LCN9: variants seen among roughly 807,000 people sequenced by gnomAD.
The protein encoded by LCN9 is lipocalin 9, also known as epididymal-specific lipocalin-9.
In LCN9, 22 loss-of-function variants were observed where a neutral mutation model predicts 18.5. That is an observed-to-expected ratio of 1.19 (90% confidence interval 0.85 to 1.70). The LOEUF is 1.70. LCN9 is among the 40% of genes most tolerant of loss of function. LCN9 has a pLI of 0.00. For synonymous variants in LCN9, 89 were observed against 83.0 expected (o/e 1.07, Z -0.39); for missense variants, 202 against 201.3 (o/e 1.00, Z -0.02).
At chr9:135,666,219 T>C in exon 6 of LCN9, 1 of 1,448,878 alleles carries the variant, frequency 6.9e-7, no homozygotes, top group Non-Finnish European at 9.3e-7. Context: ...GCCCGAGGTC[T>C]GAAACCCGAG....
rs1834188921 is a variant in LCN9 at position 135,664,797 on chromosome 9, T to C, written c.307+2T>C. On this transcript the variant is annotated splice_donor_variant, in intron 3 of 5. Coordinates refer to ENST00000619315, the Ensembl canonical transcript of LCN9. LOFTEE classifies it high-confidence loss of function. The surrounding 1 kb of genome is among the most constrained non-coding windows in gnomAD (Gnocchi z 4.5). ...AGAATGGGGAATACTCCATCAACTGTAAGTGGAAGCCAGGCTCCTCCTGGT... is the reference window on the plus strand; with the variant it reads ...AGAATGGGGAATACTCCATCAACTGCAAGTGGAAGCCAGGCTCCTCCTGGT... The C allele has an allele frequency of 6.3e-7, 1 of 1,579,884 alleles. No homozygotes were observed. The highest frequency in any genetic ancestry group is 1.8e-5 in the Admixed American group (1 of 54,560).
chr9:135,665,745 C>A lies in LCN9; in HGVS notation c.*2C>A. The A allele has an allele frequency of 6.2e-7, 1 of 1,613,402 alleles. No individual in the cohort carries two copies. The highest frequency in any genetic ancestry group is 8.5e-7 in the Non-Finnish European group (1 of 1,179,656). On this transcript the variant is annotated 3_prime_UTR_variant, in exon 5 of 6. Transcript: ENST00000619315. The surrounding 1 kb of genome is among the most constrained non-coding windows in gnomAD (Gnocchi z 5.9). ...GCTCACAAAATATCATCGACTTGAC[C>A]AACAAAGGTCAGCCCCACTGCTCCC...
intron 1 of LCN9, among the ~76,000 whole-genome samples, chr9:135,663,904 ATCTGGGGACAT>A (rs1834166615): frequency 1.2e-5 from 1 of 80,194 alleles, no homozygotes; most frequent in East Asian, 4.2e-4. Context: ...CAAAGGGGGG[ATCTGGGGACAT>A]AGGGGAGACC....
chr9:135,664,176 G>GTA lies in LCN9; in HGVS notation c.113_114dup (p.Ser39IlefsTer10), dbSNP rs1408091703. 1 of 1,613,600 alleles carries GTA rather than the reference G, an allele frequency of 6.2e-7. No homozygotes were observed. Among genetic ancestry groups the GTA allele is most frequent in the Non-Finnish European group, 8.5e-7 (1 of 1,179,742 alleles). On this transcript the variant is annotated frameshift_variant, in exon 2 of 6. Transcript: ENST00000619315. LOFTEE classifies it high-confidence loss of function. The surrounding 1 kb of genome is among the most constrained non-coding windows in gnomAD (Gnocchi z 4.5). ...TTTGTCTTCAGGTTTCAGGGGTCTG[G>GTA]TATTCTATTTTCATGGCCTCAGATG...
chr9:135,663,440 G>A, intron 1 of LCN9, 23 bp downstream of exon 1: 1 of 1,605,098 alleles, frequency 6.2e-7, no homozygotes, highest in Non-Finnish European at 8.5e-7. Flanking sequence ...TGGGGTCTGT[G>A]GGGAAGGGGC....
In LCN9 at chr9:135,665,131, C is replaced by A. The variant is rs1314378172; in HGVS notation, c.308-114C>A. ...TGGGTGAGCACCGTGGGCTCCTCCC[C>A]TCCCGCCTCAAAAGGCCACTTGACC... On this transcript the variant is annotated intron_variant, in intron 3 of 5. Transcript: ENST00000619315. This position sits in a 1 kb window ranked among gnomAD's most constrained non-coding sequence, Gnocchi z 5.9. 6.5e-6 allele frequency: 5 copies of A among 763,390 alleles called. No individual in the cohort carries two copies. In the African/African-American group the frequency reaches 8.6e-5, roughly 13 times the overall value. 47.3% of individuals were successfully genotyped at this position (763,390 alleles called of 1,614,324 possible). A position where few individuals can be genotyped will look rare whatever the true frequency, so the allele number is the denominator to read the frequency against.
rs968644382 is a variant in LCN9 at position 135,664,340 on chromosome 9, C to A, written c.233+42C>A. 1 of 1,610,564 alleles carries A rather than the reference C, an allele frequency of 6.2e-7. No homozygotes were observed. The highest frequency in any genetic ancestry group is 8.5e-7 in the Non-Finnish European group (1 of 1,178,080). Reference sequence around the variant, plus strand: ...TCAGCTGGCATCAGGAAGACCCATGCCCCTGCCACCCCAACGCATACTCTC... The same window carrying A: ...TCAGCTGGCATCAGGAAGACCCATGACCCTGCCACCCCAACGCATACTCTC... On this transcript the variant is annotated intron_variant, in intron 2 of 5. Coordinates refer to ENST00000619315, the Ensembl canonical transcript of LCN9. The surrounding 1 kb of genome is among the most constrained non-coding windows in gnomAD (Gnocchi z 4.5).
At chr9:135,663,524 G>C in intron 1 of LCN9, 107 bp downstream of exon 1, 1 of 694,736 alleles carries the variant, frequency 1.4e-6, no homozygotes, top group Non-Finnish European at 2.3e-6. Context: ...TCCAAGGGGA[G>C]CCCACCTCTC....
rs1401074453 is a variant in LCN9 at position 135,666,006 on chromosome 9, C to T, written c.*155C>T. 4 of 1,599,508 alleles carry T rather than the reference C, an allele frequency of 2.5e-6. No homozygotes were observed. In the African/African-American group the frequency reaches 5.3e-5, roughly 21 times the overall value. ...CCCACCCCAGGAGGTGCCCATCCCT[C>T]CCCCTGGTCTGGGAACCGAACACAA... On this transcript the variant is annotated 3_prime_UTR_variant, in exon 6 of 6. Transcript: ENST00000619315.
In LCN9 at chr9:135,665,576, C is replaced by T. The variant is rs546592793; in HGVS notation, c.419-112C>T. 15 of 1,087,072 alleles carry T rather than the reference C, an allele frequency of 1.4e-5. No individual in the cohort carries two copies. Among genetic ancestry groups the T allele is most frequent in the Non-Finnish European group, 2.0e-5 (15 of 737,318 alleles). 67.3% of individuals were successfully genotyped at this position (1,087,072 alleles called of 1,614,324 possible). A position where few individuals can be genotyped will look rare whatever the true frequency, so the allele number is the denominator to read the frequency against. Reference sequence around the variant, plus strand: ...AGCCCCTCTCTGGTCAGGGCGTGACCCCCTGCCCAGCCTCAGCACTTCCTG... The same window carrying T: ...AGCCCCTCTCTGGTCAGGGCGTGACTCCCTGCCCAGCCTCAGCACTTCCTG... On this transcript the variant is annotated intron_variant, in intron 4 of 5. Transcript: ENST00000619315. The surrounding 1 kb of genome is among the most constrained non-coding windows in gnomAD (Gnocchi z 5.9).
At position 135,664,631 on chromosome 9, in the gene LCN9, G is replaced by A; in HGVS notation, c.234-91G>A. The A allele has an allele frequency of 2.6e-6, 3 of 1,172,350 alleles. No homozygotes were observed. Among genetic ancestry groups the A allele is most frequent in the Non-Finnish European group, 2.4e-6 (2 of 839,628 alleles). The allele number at this position is 1,172,350 out of a possible 1,614,324, so 72.6% of individuals were successfully genotyped here. On this transcript the variant is annotated intron_variant, in intron 2 of 5. Transcript: ENST00000619315. The surrounding 1 kb of genome is among the most constrained non-coding windows in gnomAD (Gnocchi z 4.5). ...AATGAGGCCTGGGCATTGGGAGGGT[G>A]AGCCTGTGCCCTGGAGGAGGGGTGC...
At chr9:135,663,439 T>G (rs1564285621) in intron 1 of LCN9, 22 bp downstream of exon 1, 1 of 1,605,458 alleles carries the variant, frequency 6.2e-7, no homozygotes. Flanking sequence ...TTGGGGTCTG[T>G]GGGGAAGGGG....
In LCN9 at chr9:135,664,989, T is replaced by C. The variant is rs1335106276; in HGVS notation, c.307+194T>C. On this transcript the variant is annotated intron_variant, in intron 3 of 5. Coordinates refer to ENST00000619315, the Ensembl canonical transcript of LCN9. The surrounding 1 kb of genome is among the most constrained non-coding windows in gnomAD (Gnocchi z 4.5). ...CCCAGGGGAAGCAGGGAGGCAGGTG[T>C]GTCATGCTGAGCTCTGGGGGGTGAG... 6.6e-6 allele frequency among the ~76,000 whole-genome samples: 1 copy of C among 152,042 alleles called. No individual in the cohort carries two copies. The highest frequency in any genetic ancestry group is 1.5e-5 in the Non-Finnish European group (1 of 67,958).
rs1160989471 is a variant in LCN9, at chr9:135,666,287, C to T, written c.*436C>T. On this transcript the variant is annotated 3_prime_UTR_variant, in exon 6 of 6. Coordinates refer to ENST00000619315, the Ensembl canonical transcript of LCN9. ...CGGGAAGGGTCCTTCCTGCCTCTTC[C>T]GGCTGCTGGGGGCTCCAGGCATCCC... 1.1e-5 allele frequency: 8 copies of T among 748,408 alleles called. 1 individual carries two copies. The highest frequency in any genetic ancestry group is 7.3e-4 in the Middle Eastern group (2 of 2,738). 46.4% of individuals were successfully genotyped at this position (748,408 alleles called of 1,614,324 possible). A position where few individuals can be genotyped will look rare whatever the true frequency, so the allele number is the denominator to read the frequency against.
At position 135,665,145 on chromosome 9, in the gene LCN9, G is replaced by T. The variant is rs977031111; in HGVS notation, c.308-100G>T. ...GGGCTCCTCCCCTCCCGCCTCAAAA[G>T]GCCACTTGACCCCCCATCCTCACTT... On this transcript the variant is annotated intron_variant, in intron 3 of 5. Coordinates refer to ENST00000619315, the Ensembl canonical transcript of LCN9. This position sits in a 1 kb window ranked among gnomAD's most constrained non-coding sequence, Gnocchi z 5.9. 3.5e-6 allele frequency: 3 copies of T among 845,108 alleles called. No individual in the cohort carries two copies. Among genetic ancestry groups the T allele is most frequent in the Non-Finnish European group, 3.9e-6 (2 of 515,850 alleles). The allele number at this position is 845,108 out of a possible 1,614,324, so 52.4% of individuals were successfully genotyped here.
At position 135,665,209 on chromosome 9, in the gene LCN9, C is replaced by T. The variant is rs552943108; in HGVS notation, c.308-36C>T. 5.7e-5 allele frequency: 80 copies of T among 1,411,240 alleles called. No homozygotes were observed. The Admixed American group carries it at 6.2e-4, about 11-fold the overall frequency. The allele number at this position is 1,411,240 out of a possible 1,614,324, so 87.4% of individuals were successfully genotyped here. On this transcript the variant is annotated intron_variant, in intron 3 of 5. Transcript: ENST00000619315. The surrounding 1 kb of genome is among the most constrained non-coding windows in gnomAD (Gnocchi z 5.9). ...ACGTGTCACAGGACCCTGAGGGTGG[C>T]GGGGCCAGGCCACGCTGAGCCATGT...
chr9:135,666,078 A>G, exon 6 of LCN9: 1 of 1,599,516 alleles, frequency 6.3e-7, no homozygotes, highest in Admixed American at 1.7e-5. Context: ...GAGTCGGGGC[A>G]GTGATGGGGC....
Position 135,665,742 on chromosome 9 carries a change from GACCA to G in LCN9, c.*2_*5del. ...TTGGCTCACAAAATATCATCGACTT[GACCA>G]ACAAAGGTCAGCCCCACTGCTCCCG... On this transcript the variant is annotated stop_retained_variant and 3_prime_UTR_variant, in exon 5 of 6. Coordinates refer to ENST00000619315, the Ensembl canonical transcript of LCN9. This position sits in a 1 kb window ranked among gnomAD's most constrained non-coding sequence, Gnocchi z 5.9. 6.2e-7 allele frequency: 1 copy of G among 1,613,466 alleles called. No individual in the cohort carries two copies. Among genetic ancestry groups the G allele is most frequent in the Admixed American group, 1.7e-5 (1 of 59,932 alleles).
In LCN9 at chr9:135,664,143, T is replaced by G; in HGVS notation, c.97-19T>G. 2.9e-6 allele frequency: 3 copies of G among 1,025,068 alleles called. No individual in the cohort carries two copies. The highest frequency in any genetic ancestry group is 4.3e-6 in the Non-Finnish European group (3 of 692,776). 63.5% of individuals were successfully genotyped at this position (1,025,068 alleles called of 1,614,324 possible). ...GGCTGTCCCGCGGCCCCCCACCCAC[T>G]GGAGCTCTTTGTCTTCAGGTTTCAG... is the stretch of plus-strand genomic sequence containing the variant. On this transcript the variant is annotated intron_variant, in intron 1 of 5. Coordinates refer to ENST00000619315, the Ensembl canonical transcript of LCN9. The surrounding 1 kb of genome is among the most constrained non-coding windows in gnomAD (Gnocchi z 4.5).
Sources: allele counts gnomAD v4.1 joint callset (sites outside exome capture counted in the v4.1 genomes callset), GRCh38; gene constraint gnomAD v4.1.1; non-coding constraint Gnocchi (gnomAD v3.1); transcripts MANE v1.5; gene names NCBI Gene and HGNC (gene_info 2026-07-23, HGNC 2026-07-21).